The following DOCK5 variants were observed in gnomAD, a reference collection of about 807,000 sequenced individuals.
DOCK5 encodes dedicator of cytokinesis 5.
A neutral mutation model predicts 251.8 loss-of-function variants in DOCK5; 142 were observed. The ratio of observed to expected loss-of-function variants is 0.56; its 90% CI spans 0.49 to 0.65. The LOEUF (loss-of-function observed/expected upper bound fraction) is 0.65. Ranked by LOEUF, DOCK5 falls within the 30% of genes least tolerant of loss-of-function variation. The pLI is 0.00. For missense variants in DOCK5, 2,111 were observed against 2,312.3 expected, an observed-to-expected ratio of 0.91 and a Z score of 1.79; for synonymous variants, 842 against 835.5, an observed-to-expected ratio of 1.01 and a Z score of -0.13.
At chr8:25,398,521 A>C (rs1437856727) in intron 45 of DOCK5, among the ~76,000 whole-genome samples, 1 of 152,234 alleles carries the variant, frequency 6.6e-6, no homozygotes, top group Non-Finnish European at 1.5e-5. Flanking sequence ...TTGCACGAGC[A>C]AGAAGTCTGA....
At chr8:25,240,110 C>T (rs1175534564) in intron 1 of DOCK5, among the ~76,000 whole-genome samples, 6 of 152,098 alleles carry the variant, frequency 3.9e-5, no homozygotes, top group Non-Finnish European at 5.9e-5. Context: ...AGTGACTATC[C>T]ATTCATCAGT....
rs71551804 is a variant in DOCK5, at chr8:25,387,186, C to CTT, written c.4132-1890_4132-1889dup. Reference sequence around the variant, plus strand: ...GTTCTTCCTACTCCAAGACCAGTGACTTTTTTTTTTTTTTTTAAGAGGTCT... The same window carrying CTT: ...GTTCTTCCTACTCCAAGACCAGTGACTTTTTTTTTTTTTTTTTTAAGAGGTCT... On this transcript the variant is annotated intron_variant, in intron 40 of 51. Coordinates refer to ENST00000276440, the MANE Select transcript of DOCK5 (RefSeq NM_024940.8). Among the ~76,000 whole-genome samples the CTT allele has an allele frequency of 3.7e-4, 46 of 124,670 alleles. 1 individual carries two copies. Among genetic ancestry groups the CTT allele is most frequent in the Admixed American group, 8.5e-4 (10 of 11,748 alleles). 81.8% of individuals were successfully genotyped at this position (124,670 alleles called of 152,430 possible).
intron 34 of DOCK5, among the ~76,000 whole-genome samples, chr8:25,371,205 C>T (rs1360406850): frequency 1.3e-5 from 2 of 152,076 alleles, no homozygotes; most frequent in Non-Finnish European, 2.9e-5. Context: ...CTCTGAATAC[C>T]GAGAAATGGA....
At chr8:25,220,617 T>C (rs187173014) in intron 1 of DOCK5, among the ~76,000 whole-genome samples, 3 of 152,188 alleles carry the variant, frequency 2.0e-5, no homozygotes, top group African/African-American at 7.2e-5. Context: ...AGTTTTGTTT[T>C]GTTTGTTTGT....
chr8:25,389,365 C>A, intron 41 of DOCK5, 133 bp downstream of exon 41: 1 of 1,207,964 alleles, frequency 8.3e-7, no homozygotes, highest in East Asian at 2.4e-5. Context: ...GACACAGGTT[C>A]CCATTCCATG....
intron 45 of DOCK5, among the ~76,000 whole-genome samples, chr8:25,397,660 T>C (rs1030994814): frequency 3.9e-5 from 6 of 152,258 alleles, no homozygotes; most frequent in African/African-American, 1.4e-4. Flanking sequence ...CTTTTTCATA[T>C]ATATTGTTTG....
intron 17 of DOCK5, among the ~76,000 whole-genome samples, chr8:25,324,915 T>A (rs2666173): frequency 6.7e-6 from 1 of 149,838 alleles, no homozygotes; most frequent in South Asian, 2.1e-4. Flanking sequence ...TTTGTCCTTG[T>A]GATAGTTTGC....
chr8:25,392,873 G>T lies in DOCK5; in HGVS notation c.4518G>T (p.Gln1506His), dbSNP rs565738674. 5.0e-6 allele frequency: 8 copies of T among 1,610,716 alleles called. No individual in the cohort carries two copies. The highest frequency in any genetic ancestry group is 6.8e-6 in the Non-Finnish European group (8 of 1,178,306). ...PGILKWFEVK[Q>H]ISTEEISPLE... ...TTCTCAAGTGGTTTGAAGTCAAACA[G>T]ATTTCAACAGTGAGTCATTTGAAAT... Residue 1506 changes from glutamine to histidine, a missense_variant, in exon 44 of 52, where the codon CAG (glutamine) becomes CAT (histidine). Physicochemically the swap from Gln to His is conservative, Grantham distance 24 (BLOSUM62 0). Around this residue, in one of 3 missense-constraint regions of DOCK5, gnomAD observed 1,717 missense variants for 1,892.4 expected, o/e 0.91. Coordinates refer to ENST00000276440, the MANE Select transcript of DOCK5 (RefSeq NM_024940.8).
chr8:25,335,863 TCAA>T (rs1805793149), intron 21 of DOCK5, among the ~76,000 whole-genome samples: 1 of 152,202 alleles, frequency 6.6e-6, no homozygotes, highest in Non-Finnish European at 1.5e-5. Flanking sequence ...TTCTTTTAAG[TCAA>T]CTCCTGTAGG....
At chr8:25,204,133 T>C (rs948309050) in intron 1 of DOCK5, among the ~76,000 whole-genome samples, 2 of 152,218 alleles carry the variant, frequency 1.3e-5, no homozygotes, top group African/African-American at 2.4e-5. Flanking sequence ...GAGAATTCTT[T>C]GCCAATTTTT....
intron 40 of DOCK5, among the ~76,000 whole-genome samples, chr8:25,384,273 G>C (rs1801120205): frequency 1.3e-5 from 2 of 152,158 alleles, no homozygotes; most frequent in South Asian, 4.1e-4. Flanking sequence ...TGCTGGCCAG[G>C]GGGAGGTTGG....
Position 25,305,532 on chromosome 8 carries a change from C to A in DOCK5, c.1049+1205C>A, listed in dbSNP as rs1804895271. 2.0e-5 allele frequency among the ~76,000 whole-genome samples: 3 copies of A among 152,164 alleles called. No homozygotes were observed. In the South Asian group the frequency reaches 6.2e-4, roughly 32 times the overall value. On this transcript the variant is annotated intron_variant, in intron 11 of 51. Coordinates refer to ENST00000276440, the MANE Select transcript of DOCK5 (RefSeq NM_024940.8). ...ATTGATAGGTTTAACCACCCAAAAA[C>A]TGTAAAGAACTTAATACATAGAAAA... is the stretch of plus-strand genomic sequence containing the variant.
chr8:25,372,499 C>T (rs1363980310), intron 34 of DOCK5, 60 bp from the exon 35 acceptor site: 24 of 1,504,084 alleles, frequency 1.6e-5, no homozygotes, highest in Non-Finnish European at 2.0e-5. Flanking sequence ...CAGTGCTGGT[C>T]AGTGCTGCTG....
At chr8:25,373,232 T>A (rs1800906247) in intron 35 of DOCK5, among the ~76,000 whole-genome samples, 1 of 152,000 alleles carries the variant, frequency 6.6e-6, no homozygotes. Context: ...TCTCCTGACC[T>A]CATGATCCAC....
chr8:25,186,482 TC>T (rs1801435064), intron 1 of DOCK5, among the ~76,000 whole-genome samples: 1 of 151,898 alleles, frequency 6.6e-6, no homozygotes, highest in Non-Finnish European at 1.5e-5. Flanking sequence ...CCAGCAATTC[TC>T]CTGTCTCAGC....
intron 33 of DOCK5, 36 bp from the exon 34 acceptor site, chr8:25,369,520 C>A: frequency 6.4e-7 from 1 of 1,566,070 alleles, no homozygotes; most frequent in South Asian, 1.2e-5. Context: ...TCTAAGGATG[C>A]AACATTATCC....
intron 45 of DOCK5, chr8:25,395,925 G>T: frequency 1.5e-6 from 1 of 682,324 alleles, no homozygotes; most frequent in Non-Finnish European, 2.6e-6. Flanking sequence ...AACTTACCTA[G>T]TAAAGCGTCA....
At chr8:25,323,267 T>C (rs375063877) in intron 16 of DOCK5, among the ~76,000 whole-genome samples, 370 of 152,278 alleles carry the variant, frequency 2.4e-3, no homozygotes, top group Non-Finnish European at 4.1e-3. Context: ...TAAAGAAACT[T>C]TGGGCAGCAC....
At position 25,317,034 on chromosome 8, in the gene DOCK5, C is replaced by T. The variant is rs769104001; in HGVS notation, c.1346C>T (p.Thr449Ile). The T allele has an allele frequency of 2.4e-5, 39 of 1,613,822 alleles. No homozygotes were observed. The highest frequency in any genetic ancestry group is 3.0e-5 in the Non-Finnish European group (35 of 1,179,882). Reference protein sequence around the residue: ...PGDVRNDIYVTLIHGEFDKGK... With the variant: ...PGDVRNDIYVILIHGEFDKGK... Reference sequence around the variant, plus strand: ...GATGTTCGGAATGACATTTATGTCACCCTGATCCACGGTGAGTTTGACAAA... The same window carrying T: ...GATGTTCGGAATGACATTTATGTCATCCTGATCCACGGTGAGTTTGACAAA... The change falls in exon 14 of 52, where the codon ACC (threonine) becomes ATC (isoleucine). Residue 449 changes from threonine to isoleucine, a missense_variant. Physicochemically the swap from Thr to Ile is moderately conservative, Grantham distance 89. Around this residue, in one of 3 missense-constraint regions of DOCK5, gnomAD observed 1,717 missense variants for 1,892.4 expected, o/e 0.91. Transcript: ENST00000276440.
Sources: gnomAD v4.1 joint callset for allele counts (sites outside exome capture counted in the v4.1 genomes callset) on GRCh38, gnomAD v4.1.1 for gene constraint, gnomAD v4.1.1 regional missense constraint, MANE v1.5 for transcripts, NCBI Gene and HGNC (gene_info 2026-07-23, HGNC 2026-07-21) for gene names.